The following CCDC169 variants were observed in gnomAD, a reference collection of about 807,000 sequenced individuals.
CCDC169 encodes coiled-coil domain containing 169.
CCDC169 carries 30 observed loss-of-function variants against 36.0 expected under a neutral mutation model. That is an observed-to-expected ratio of 0.83 (90% confidence interval 0.62 to 1.13). The LOEUF (loss-of-function observed/expected upper bound fraction) is 1.13. Ranked by LOEUF, CCDC169 falls within the 50% of genes most tolerant of loss-of-function variation. The probability of loss-of-function intolerance (pLI) is 0.00; values close to 1 mark genes in which losing one functional copy is unlikely to be tolerated. For missense variants in CCDC169, 245 were observed against 245.9 expected (o/e 1.00, Z 0.03); for synonymous variants, 85 against 81.5 (o/e 1.04, Z -0.23).
intron 6 of CCDC169, among the ~76,000 whole-genome samples, chr13:36,251,520 A>G (rs948424329): frequency 6.6e-6 from 1 of 150,780 alleles, no homozygotes; most frequent in African/African-American, 2.4e-5. Context: ...AGGTAAATGA[A>G]TGCTTTGGGG....
intron 7 of CCDC169, among the ~76,000 whole-genome samples, chr13:36,239,143 C>A (rs1871436354): frequency 6.6e-6 from 1 of 151,692 alleles, no homozygotes; most frequent in African/African-American, 2.4e-5. Flanking sequence ...GAGGCTGAGG[C>A]AGGGGGATCT....
chr13:36,271,856 G>A (rs905621607), intron 4 of CCDC169, among the ~76,000 whole-genome samples: 3 of 151,892 alleles, frequency 2.0e-5, no homozygotes, highest in African/African-American at 4.8e-5. Context: ...AGGCCAAAGC[G>A]GGCGGATCAC....
chr13:36,294,220 C>G (rs2065028358), intron 2 of CCDC169, among the ~76,000 whole-genome samples: 1 of 152,192 alleles, frequency 6.6e-6, no homozygotes, highest in South Asian at 2.1e-4. Context: ...CTAGCTCCTT[C>G]TTTTGAGAAC....
At chr13:36,272,847 A>G (rs1876283494) in intron 4 of CCDC169, among the ~76,000 whole-genome samples, 1 of 152,172 alleles carries the variant, frequency 6.6e-6, no homozygotes, top group Non-Finnish European at 1.5e-5. Flanking sequence ...TAACTGAAGG[A>G]GAGTATCCCA....
chr13:36,254,638 A>G (rs1170936), intron 4 of CCDC169, among the ~76,000 whole-genome samples: 24,856 of 152,104 alleles, frequency 0.16, 2,076 homozygotes, highest in Admixed American at 0.19. Context: ...ACAATATGTC[A>G]TGTATTGTAC....
At position 36,283,797 on chromosome 13, in the gene CCDC169, A is replaced by G. The variant is rs954771544; in HGVS notation, c.164-95T>C. On this transcript the variant is annotated intron_variant, in intron 2 of 7. Coordinates refer to ENST00000239859, the MANE Select transcript of CCDC169 (RefSeq NM_001144981.3). ...ATGAGCTTGATCTTACTCTATTACT[A>G]TATTTGACTTTATTGGCAATACAGA... 6 of 941,286 alleles carry G rather than the reference A, an allele frequency of 6.4e-6. No individual in the cohort carries two copies. In the African/African-American group the frequency reaches 8.3e-5, roughly 13 times the overall value. The allele number at this position is 941,286 out of a possible 1,614,324, so 58.3% of individuals were successfully genotyped here.
chr13:36,270,410 G>C (rs1175135375), intron 4 of CCDC169, among the ~76,000 whole-genome samples: 2 of 150,762 alleles, frequency 1.3e-5, no homozygotes, highest in Non-Finnish European at 3.0e-5. Flanking sequence ...CACGGAATTA[G>C]AAAAAAAAAT....
intron 6 of CCDC169, among the ~76,000 whole-genome samples, chr13:36,252,879 T>C (rs1873344024): frequency 6.6e-6 from 1 of 152,220 alleles, no homozygotes; most frequent in Non-Finnish European, 1.5e-5. Flanking sequence ...AAGATTAATA[T>C]TGATTAAATA....
intron 4 of CCDC169, among the ~76,000 whole-genome samples, chr13:36,276,531 C>G (rs1876851178): frequency 6.6e-6 from 1 of 152,288 alleles, no homozygotes; most frequent in South Asian, 2.1e-4. Flanking sequence ...CTTTTCACCA[C>G]CAGCTAGTCT....
At chr13:36,225,358 C>T (rs12865854), downstream of CCDC169, 61,680 of 152,086 alleles carry the variant, frequency 0.41, 13,284 homozygotes, top group Non-Finnish European at 0.48. Context: ...GCATGCACCA[C>T]CATGCCTGGC....
rs1285036551 is a variant in CCDC169 at position 36,274,942 on chromosome 13, C to A, written c.315+8527G>T. Among the ~76,000 whole-genome samples, 3 of 143,614 alleles carry A rather than the reference C, an allele frequency of 2.1e-5. No homozygotes were observed. The East Asian group carries it at 6.5e-4, about 31-fold the overall frequency. 94.2% of individuals were successfully genotyped at this position (143,614 alleles called of 152,430 possible). ...GGAGTGCAGTGGCGCGATCTCTGCT[C>A]ACTGCAGGCTCCGCCTGCCAGGTTC... On this transcript the variant is annotated intron_variant, in intron 4 of 7. Transcript: ENST00000239859.
intron 4 of CCDC169, among the ~76,000 whole-genome samples, chr13:36,277,484 A>G (rs184443013): frequency 2.0e-4 from 30 of 152,342 alleles, no homozygotes; most frequent in African/African-American, 7.2e-4. Context: ...TTAAAATTAA[A>G]AAAGAATATA....
chr13:36,274,775 G>C (rs977311603), intron 4 of CCDC169, among the ~76,000 whole-genome samples: 1 of 151,438 alleles, frequency 6.6e-6, no homozygotes, highest in Non-Finnish European at 1.5e-5. Flanking sequence ...GAAATTTCAA[G>C]ATACTGTTTA....
At chr13:36,278,111 G>T (rs181201380) in intron 4 of CCDC169, among the ~76,000 whole-genome samples, 1 of 152,178 alleles carries the variant, frequency 6.6e-6, no homozygotes, top group East Asian at 1.9e-4. Flanking sequence ...AGTTGATTGG[G>T]GTTAATTTCA....
Position 36,231,265 on chromosome 13 carries a change from C to T in CCDC169, c.573G>A (p.Lys191=), listed in dbSNP as rs1362005062. The T allele has an allele frequency of 3.2e-6, 5 of 1,551,362 alleles. No homozygotes were observed. Among genetic ancestry groups the T allele is most frequent in the Non-Finnish European group, 4.4e-6 (5 of 1,146,840 alleles). ...KTGRYNPAKQ[K]TVSAKRGPVK... ...CTGGTCCTCTCTTGGCACTCACTGT[C>T]TTCTGCTTAGCTGGATTATATCTTC... The change falls in exon 8 of 8, where the codon AAG becomes AAA. Residue 191 remains lysine (K), a synonymous_variant. Coordinates refer to ENST00000239859, the MANE Select transcript of CCDC169 (RefSeq NM_001144981.3).
At chr13:36,275,242 G>A (rs568528172) in intron 4 of CCDC169, among the ~76,000 whole-genome samples, 1 of 151,902 alleles carries the variant, frequency 6.6e-6, no homozygotes, top group African/African-American at 2.4e-5. Context: ...TCCACTGAAC[G>A]CTTACAAAAG....
intron 4 of CCDC169, among the ~76,000 whole-genome samples, chr13:36,257,257 C>T (rs1874012475): frequency 6.6e-6 from 1 of 152,212 alleles, no homozygotes; most frequent in Admixed American, 6.5e-5. Context: ...CCATCTAGCC[C>T]TACAGCACAG....
In CCDC169 at chr13:36,297,796, C is replaced by T. The variant is rs1229292010; in HGVS notation, c.-77G>A. 1 of 1,374,962 alleles carries T rather than the reference C, an allele frequency of 7.3e-7. No homozygotes were observed. Among genetic ancestry groups the T allele is most frequent in the Non-Finnish European group, 1.0e-6 (1 of 995,296 alleles). The allele number at this position is 1,374,962 out of a possible 1,614,324, so 85.2% of individuals were successfully genotyped here. A position where few individuals can be genotyped will look rare whatever the true frequency, so the allele number is the denominator to read the frequency against. On this transcript the variant is annotated 5_prime_UTR_variant, in exon 1 of 8. Transcript: ENST00000239859. ...AAGACATTAAGGGCCACCCAGAAGC[C>T]AGTACGGCACGAGGCGGTGAACCCC...
intron 7 of CCDC169, among the ~76,000 whole-genome samples, chr13:36,243,948 A>G (rs182315293): frequency 6.6e-5 from 10 of 152,356 alleles, no homozygotes; most frequent in Admixed American, 6.5e-4. Context: ...TGACACACAT[A>G]TGTGTATGTG....
Sources: allele counts gnomAD v4.1 joint callset (sites outside exome capture counted in the v4.1 genomes callset), GRCh38; gene constraint gnomAD v4.1.1; transcripts MANE v1.5; gene names NCBI Gene and HGNC (gene_info 2026-07-23, HGNC 2026-07-21).